The following KRT26 variants were observed in gnomAD, a reference collection of about 807,000 sequenced individuals.
KRT26 encodes keratin, type I cytoskeletal 26.
A neutral mutation model predicts 46.1 loss-of-function variants in KRT26; 45 were observed. The ratio of observed to expected loss-of-function variants is 0.98; its 90% CI spans 0.77 to 1.25. KRT26 has a LOEUF of 1.25. KRT26 is among the 50% of genes most tolerant of loss of function. KRT26 has a pLI of 0.00. For synonymous variants in KRT26, 191 were observed against 209.9 expected, an observed-to-expected ratio of 0.91 and a Z score of 0.78; for missense variants, 582 against 560.1, an observed-to-expected ratio of 1.04 and a Z score of -0.39.
chr17:40,766,718 G>C, intron 7 of KRT26, 52 bp from the exon 8 acceptor site: 6 of 1,341,932 alleles, frequency 4.5e-6, no homozygotes, highest in Non-Finnish European at 6.3e-6. Context: ...AGGTTGAAAA[G>C]TAGCCATAAT....
chr17:40,769,811 G>A lies in KRT26; in HGVS notation c.912C>T (p.Thr304=), dbSNP rs114345151. 526 of 1,614,076 alleles carry A rather than the reference G, an allele frequency of 3.3e-4. 1 individual carries two copies. The African/African-American group carries it at 4.7e-3, about 15-fold the overall frequency. ...GGGTTTGCAGATTGCGTTTTAATTC[G>A]GTCAGCTCATTTCTGGCTGCTGTGG... is the stretch of plus-strand genomic sequence containing the variant. The change falls in exon 5 of 8, where the codon ACC becomes ACT. Residue 304 remains threonine, a synonymous_variant. Transcript: ENST00000335552.
chr17:40,771,841 G>A (rs745346075), exon 1 of KRT26: 32 of 1,613,176 alleles, frequency 2.0e-5, no homozygotes, highest in African/African-American at 1.9e-4. Flanking sequence ...CCAGGCGGTC[G>A]TTGAGATTCT....
chr17:40,771,873 C>T (rs768209985), exon 1 of KRT26: 19 of 1,614,048 alleles, frequency 1.2e-5, no homozygotes, highest in Non-Finnish European at 1.4e-5. Context: ...TTTTCATTCC[C>T]AGAGAGGAGG....
intron 6 of KRT26, 23 bp downstream of exon 6, chr17:40,768,856 T>G: frequency 7.4e-7 from 1 of 1,356,642 alleles, no homozygotes; most frequent in Non-Finnish European, 1.0e-6. Context: ...GGTTTTTTTT[T>G]TTTTTTGCAA....
intron 5 of KRT26, 107 bp downstream of exon 5, chr17:40,769,647 G>T: frequency 8.8e-7 from 1 of 1,137,198 alleles, no homozygotes; most frequent in Non-Finnish European, 1.3e-6. Flanking sequence ...TATACTTTTA[G>T]TCATATGTAA....
At chr17:40,768,834 T>C in intron 6 of KRT26, 45 bp downstream of exon 6, 1 of 1,115,344 alleles carries the variant, frequency 9.0e-7, no homozygotes, top group Non-Finnish European at 1.3e-6. Context: ...TGGGAAAACC[T>C]AGTTAATGTG....
chr17:40,771,136 C>CACCT lies in KRT26; in HGVS notation c.524+17_524+18insAGGT. 1 of 1,423,344 alleles carries CACCT rather than the reference C, an allele frequency of 7.0e-7. No individual in the cohort carries two copies. The highest frequency in any genetic ancestry group is 2.3e-5 in the East Asian group (1 of 42,862). 88.2% of individuals were successfully genotyped at this position (1,423,344 alleles called of 1,614,324 possible). On this transcript the variant is annotated intron_variant, in intron 2 of 7. Coordinates refer to ENST00000335552, the Ensembl canonical transcript of KRT26. Reference sequence around the variant, plus strand: ...TTTAACTTTTATTAATATAATTAATCAGTTTGTTTTCACCTACTTCAGCCT... The same window carrying CACCT: ...TTTAACTTTTATTAATATAATTAATCACCTAGTTTGTTTTCACCTACTTCAGCCT...
chr17:40,767,727 A>C, intron 6 of KRT26, 74 bp from the exon 7 acceptor site: 1 of 772,742 alleles, frequency 1.3e-6, no homozygotes, highest in Admixed American at 2.4e-5. Flanking sequence ...CTAAATTGGA[A>C]ATAAGAGTTT....
At chr17:40,769,019 T>C in exon 6 of KRT26, 1 of 1,614,078 alleles carries the variant, frequency 6.2e-7, no homozygotes, top group Non-Finnish European at 8.5e-7. Flanking sequence ...CCATCACCCC[T>C]ATCTGATCCT....
chr17:40,767,714 C>T, intron 6 of KRT26, 61 bp from the exon 7 acceptor site: 1 of 853,546 alleles, frequency 1.2e-6, no homozygotes, highest in Non-Finnish European at 1.9e-6. Flanking sequence ...CTTATAAATA[C>T]CTCTAAATTG....
chr17:40,766,634 C>A, exon 8 of KRT26: 1 of 1,612,808 alleles, frequency 6.2e-7, no homozygotes. Flanking sequence ...AGTTCCTCAA[C>A]CACTGTTTTA....
Position 40,769,015 on chromosome 17 carries a change from C to T in KRT26, c.1051G>A (p.Val351Met), listed in dbSNP as rs867595465. Residue 351 changes from valine to methionine, a missense_variant, in exon 6 of 8, where the codon GTG (valine) becomes ATG (methionine). Val to Met is a conservative substitution (Grantham distance 21). Coordinates refer to ENST00000335552, the Ensembl canonical transcript of KRT26. ...ATCTGTTGCAGTTGTTCCTCCATCA[C>T]CCCTATCTGATCCTGAATTTGCTGG... 4 of 1,614,008 alleles carry T rather than the reference C, an allele frequency of 2.5e-6. 1 individual carries two copies. The Middle Eastern group carries it at 4.9e-4, about 200-fold the overall frequency.
intron 5 of KRT26, 122 bp downstream of exon 5, chr17:40,769,632 T>C: frequency 4.0e-6 from 4 of 999,996 alleles, no homozygotes; most frequent in South Asian, 3.5e-5. Flanking sequence ...ATATTTAATA[T>C]ATTTTATACT....
exon 8 of KRT26, chr17:40,766,263 A>G: frequency 3.2e-6 from 1 of 308,544 alleles, no homozygotes; most frequent in East Asian, 5.3e-5. Context: ...TTTTAATGAA[A>G]TGTCAAAAAA....
chr17:40,769,854 G>A, exon 5 of KRT26: 1 of 1,614,216 alleles, frequency 6.2e-7, no homozygotes, highest in Non-Finnish European at 8.5e-7. Context: ...CTCATGATCG[G>A]AAATCTGTTG....
chr17:40,768,317 C>A (rs1597798176), intron 6 of KRT26, among the ~76,000 whole-genome samples: 4 of 152,294 alleles, frequency 2.6e-5, no homozygotes, highest in Admixed American at 2.6e-4. Context: ...AGACTTGTTA[C>A]AAGTATGGTT....
At chr17:40,771,854 A>C (rs2038224311) in exon 1 of KRT26, 3 of 1,614,164 alleles carry the variant, frequency 1.9e-6, no homozygotes, top group Non-Finnish European at 2.5e-6. Context: ...GAGATTCTGC[A>C]TGGTCACCTT....
chr17:40,767,255 C>T (rs1467270249), intron 7 of KRT26, among the ~76,000 whole-genome samples: 2 of 152,146 alleles, frequency 1.3e-5, no homozygotes, highest in Non-Finnish European at 2.9e-5. Flanking sequence ...ATGTTGTCTT[C>T]TTTTAAATAC....
intron 6 of KRT26, among the ~76,000 whole-genome samples, chr17:40,768,166 G>C (rs1410574468): frequency 6.6e-6 from 1 of 152,182 alleles, no homozygotes; most frequent in Non-Finnish European, 1.5e-5. Context: ...AGGGCTGATG[G>C]GCCTTGGAGG....
Sources: allele counts gnomAD v4.1 joint callset (sites outside exome capture counted in the v4.1 genomes callset), GRCh38; gene constraint gnomAD v4.1.1; transcripts MANE v1.5; gene names NCBI Gene and HGNC (gene_info 2026-07-23, HGNC 2026-07-21).